The following DNAH17 variants were observed in gnomAD, a reference collection of about 807,000 sequenced individuals.
DNAH17 encodes axonemal beta dynein heavy chain 17.
Under a neutral mutation model 485.6 loss-of-function variants are expected in DNAH17, and 376 were observed. The observed-to-expected ratio is 0.77, with a 90% CI of 0.71 to 0.84. The LOEUF is 0.84. DNAH17 is among the 40% of genes least tolerant of loss of function. The pLI is 0.00. For synonymous variants in DNAH17, 3,031 were observed against 2,405.9 expected (o/e 1.26, Z -7.60); for missense variants, 6,370 against 5,839.3 (o/e 1.09, Z -2.96).
At chr17:78,472,667 G>T (rs1187998444) in intron 54 of DNAH17, 1 of 449,846 alleles carries the variant, frequency 2.2e-6, no homozygotes, top group Non-Finnish European at 4.5e-6. Context: ...AGCACCTGAA[G>T]GTTTCGGATC....
At chr17:78,508,583 C>G (rs1352953786) in intron 27 of DNAH17, among the ~76,000 whole-genome samples, 2 of 152,032 alleles carry the variant, frequency 1.3e-5, no homozygotes, top group Non-Finnish European at 2.9e-5. Flanking sequence ...ACCCTAAAAG[C>G]ATAGTGAAAA....
At chr17:78,502,726 C>T (rs772551942) in intron 32 of DNAH17, 28 bp from the exon 33 acceptor site, 25 of 1,603,170 alleles carry the variant, frequency 1.6e-5, no homozygotes, top group Admixed American at 3.5e-5. Flanking sequence ...CCATTGCCCA[C>T]GCAGTGAGCG....
Position 78,475,744 on chromosome 17 carries a change from G to A in DNAH17, c.8244C>T (p.Thr2748=), listed in dbSNP as rs201774858. The A allele has an allele frequency of 1.8e-3, 2,968 of 1,613,864 alleles. 5 individuals are homozygous for A. Among genetic ancestry groups the A allele is most frequent in the Non-Finnish European group, 2.3e-3 (2,695 of 1,179,852 alleles). ...GIGDPKYVPV[T]DMAPLNKLLV... ...GGAGCTTGTTCAGAGGAGCCATGTCGGTTACAGGAACATATTTGGGATCGC... is the reference window on the plus strand; with the variant it reads ...GGAGCTTGTTCAGAGGAGCCATGTCAGTTACAGGAACATATTTGGGATCGC... The change falls in exon 53 of 81, where the codon ACC becomes ACT. Residue 2748 remains threonine (T), a synonymous_variant. Coordinates refer to ENST00000389840, the MANE Select transcript of DNAH17 (RefSeq NM_173628.4).
chr17:78,535,745 C>A (rs965757108), intron 19 of DNAH17, among the ~76,000 whole-genome samples: 3 of 152,142 alleles, frequency 2.0e-5, no homozygotes, highest in Admixed American at 1.3e-4. Flanking sequence ...CTTGTTTAAG[C>A]AAATGAAACC....
At chr17:78,525,521 A>G (rs1185076775) in intron 24 of DNAH17, among the ~76,000 whole-genome samples, 1 of 152,244 alleles carries the variant, frequency 6.6e-6, no homozygotes, top group Non-Finnish European at 1.5e-5. Context: ...TGCTTTGAAA[A>G]TGAGATAATT....
intron 18 of DNAH17, 55 bp from the exon 19 acceptor site, chr17:78,537,536 T>C: frequency 6.3e-7 from 1 of 1,580,060 alleles, no homozygotes; most frequent in Non-Finnish European, 8.6e-7. Context: ...CATCGGATGA[T>C]TCTCAGTGCC....
intron 54 of DNAH17, among the ~76,000 whole-genome samples, chr17:78,471,605 G>A (rs1340364707): frequency 3.3e-5 from 5 of 152,154 alleles, no homozygotes; most frequent in African/African-American, 1.2e-4. Flanking sequence ...ATAGCTTATT[G>A]CAGCCTCGAC....
At chr17:78,452,964 T>C (rs987075771) in intron 65 of DNAH17, among the ~76,000 whole-genome samples, 28 of 80,172 alleles carry the variant, frequency 3.5e-4, no homozygotes, top group African/African-American at 1.6e-3. Flanking sequence ...TACAACATCG[T>C]GAGTGTACCA....
At chr17:78,466,542 C>A (rs560787774) in intron 56 of DNAH17, 113 bp downstream of exon 56, 1 of 1,038,776 alleles carries the variant, frequency 9.6e-7, no homozygotes, top group Non-Finnish European at 1.3e-6. Flanking sequence ...AAGGCGGACG[C>A]CTCACTTGGC....
chr17:78,478,060 T>A (rs1405373424), intron 51 of DNAH17, among the ~76,000 whole-genome samples: 45 of 57,338 alleles, frequency 7.8e-4, no homozygotes, highest in African/African-American at 1.6e-3. Flanking sequence ...CATTATCATC[T>A]CCACCATCAC....
chr17:78,482,581 C>T (rs2089400337), intron 48 of DNAH17, among the ~76,000 whole-genome samples: 1 of 152,196 alleles, frequency 6.6e-6, no homozygotes, highest in Non-Finnish European at 1.5e-5. Flanking sequence ...TTTGCCTGCG[C>T]AGTCCTCTCC....
intron 55 of DNAH17, among the ~76,000 whole-genome samples, chr17:78,468,356 G>T (rs1326801935): frequency 3.3e-5 from 5 of 152,066 alleles, no homozygotes; most frequent in Non-Finnish European, 7.4e-5. Context: ...ATCCATGGCG[G>T]TCCTGGAATC....
Position 78,451,402 on chromosome 17 carries a change from A to G in DNAH17, c.10734+67T>C, listed in dbSNP as rs1461377813. The G allele has an allele frequency of 3.4e-6, 5 of 1,470,172 alleles. No homozygotes were observed. In the East Asian group the frequency reaches 1.2e-4, roughly 35 times the overall value. The allele number at this position is 1,470,172 out of a possible 1,614,324, so 91.1% of individuals were successfully genotyped here. A position where few individuals can be genotyped will look rare whatever the true frequency, so the allele number is the denominator to read the frequency against. On this transcript the variant is annotated intron_variant, in intron 66 of 80. Coordinates refer to ENST00000389840, the MANE Select transcript of DNAH17 (RefSeq NM_173628.4). ...CTGGCAGCCCTGGTCGGGGACCCTC[A>G]CAGTGACCTGGCCCCCTCTGTGTGG...
At chr17:78,445,507 G>C in intron 70 of DNAH17, 51 bp downstream of exon 70, 1 of 1,544,796 alleles carries the variant, frequency 6.5e-7, no homozygotes, top group South Asian at 1.2e-5. Flanking sequence ...CAGCTGGAGG[G>C]GGCTCCACGG....
chr17:78,459,179 G>A lies in DNAH17; in HGVS notation c.9683C>T (p.Pro3228Leu). Residue 3228 changes from proline (P) to leucine (L), a missense_variant, in exon 61 of 81, where the codon CCC (proline) becomes CTC (leucine). Transcript: ENST00000389840. ...CGTGGACTTGGAGCGGATGAACTCG[G>A]GGTCGAACGTCGGGTTGCCTTGGTA... Reference protein sequence around the residue: ...KPYQGNPTFDPEFIRSKSTAA... With the variant: ...KPYQGNPTFDLEFIRSKSTAA... The A allele has an allele frequency of 1.2e-6, 2 of 1,613,936 alleles. No individual in the cohort carries two copies. Among genetic ancestry groups the A allele is most frequent in the Non-Finnish European group, 1.7e-6 (2 of 1,179,894 alleles).
chr17:78,497,938 T>C (rs1053242863), intron 37 of DNAH17, among the ~76,000 whole-genome samples: 4 of 151,066 alleles, frequency 2.6e-5, no homozygotes, highest in African/African-American at 4.9e-5. Context: ...AGGTCAGGAG[T>C]TCAAGACCAA....
intron 36 of DNAH17, chr17:78,499,440 T>C (rs1433469515): frequency 1.1e-5 from 2 of 175,466 alleles, no homozygotes; most frequent in African/African-American, 4.7e-5. Context: ...TTTTCTTTCT[T>C]GCGTGGAGAG....
In DNAH17 at chr17:78,491,578, A is replaced by AG. The variant is rs1340032740; in HGVS notation, c.6542-9dup. On this transcript the variant is annotated splice_polypyrimidine_tract_variant and intron_variant, in intron 42 of 80. Coordinates refer to ENST00000389840, the MANE Select transcript of DNAH17 (RefSeq NM_173628.4). ...TGATGGTGGAGAACAGGCCTGGGGG[A>AG]GGCGCGTGGTATGACCCCGGGCCCT... The AG allele has an allele frequency of 6.2e-7, 1 of 1,613,248 alleles. No homozygotes were observed. Among genetic ancestry groups the AG allele is most frequent in the East Asian group, 2.2e-5 (1 of 44,860 alleles).
chr17:78,477,407 C>T lies in DNAH17; in HGVS notation c.7993-674G>A, dbSNP rs543009905. Among the ~76,000 whole-genome samples the T allele has an allele frequency of 5.3e-5, 8 of 151,890 alleles. 1 individual carries two copies. The South Asian group carries it at 1.7e-3, about 32-fold the overall frequency. ...TTATTGATACTTTTTGATATGTAGT[C>T]TCACTCTGTTGCCCAGGCTGGAGTG... On this transcript the variant is annotated intron_variant, in intron 51 of 80. Transcript: ENST00000389840.
Sources: allele counts gnomAD v4.1 joint callset (sites outside exome capture counted in the v4.1 genomes callset), GRCh38; gene constraint gnomAD v4.1.1; transcripts MANE v1.5; gene names NCBI Gene and HGNC (gene_info 2026-07-23, HGNC 2026-07-21).